Variants in CRYBG1 observed in about 807,000 individuals in gnomAD.
CRYBG1 encodes beta/gamma crystallin domain-containing protein 1.
CRYBG1 carries 139 observed loss-of-function variants against 189.2 expected under a neutral mutation model. The ratio of observed to expected loss-of-function variants is 0.73; its 90% CI spans 0.64 to 0.85. The LOEUF is 0.85. CRYBG1 is among the 40% of genes least tolerant of loss of function. CRYBG1 has a pLI of 0.00. For missense variants in CRYBG1, 2,611 were observed against 2,675.8 expected (o/e 0.98, Z 0.53); for synonymous variants, 1,023 against 1,017.1 (o/e 1.01, Z -0.11).
intron 1 of CRYBG1, among the ~76,000 whole-genome samples, chr6:106,445,097 T>G (rs1184320606): frequency 6.6e-6 from 1 of 152,230 alleles, no homozygotes; most frequent in African/African-American, 2.4e-5. Context: ...GATATTCTTG[T>G]GCAACCACTA....
At chr6:106,411,244 C>T (rs543636557) in intron 1 of CRYBG1, among the ~76,000 whole-genome samples, 1 of 152,204 alleles carries the variant, frequency 6.6e-6, no homozygotes, top group South Asian at 2.1e-4. Flanking sequence ...AATTGGCTTT[C>T]GGGGCCATAA....
At chr6:106,566,464 C>T (rs995381897) in intron 21 of CRYBG1, among the ~76,000 whole-genome samples, 55 of 71,646 alleles carry the variant, frequency 7.7e-4, no homozygotes, top group African/African-American at 1.3e-3. Context: ...CAACAACAGT[C>T]TTTTTTTTTT....
chr6:106,386,877 T>C (rs1770401918), intron 1 of CRYBG1, among the ~76,000 whole-genome samples: 1 of 152,156 alleles, frequency 6.6e-6, no homozygotes, highest in African/African-American at 2.4e-5. Flanking sequence ...GCCCCAGGAT[T>C]TGGGACCCCT....
rs185458245 is a variant in CRYBG1 at position 106,375,092 on chromosome 6, G to A, written c.173+14011G>A. ...GACCTCTGTATATACCTTGTTTAAA[G>A]AGCACTGTGGCCAGGCGTGGTGGCT... On this transcript the variant is annotated intron_variant, in intron 1 of 21. Coordinates refer to ENST00000633556, the MANE Select transcript of CRYBG1 (RefSeq NM_001371242.2). Among the ~76,000 whole-genome samples, 4 of 152,232 alleles carry A rather than the reference G, an allele frequency of 2.6e-5. No individual in the cohort carries two copies. The East Asian group carries it at 7.7e-4, about 29-fold the overall frequency.
rs774273556 is a variant in CRYBG1 at position 106,512,996 on chromosome 6, C to T, written c.1879C>T (p.His627Tyr). ...SDADGLKPRN[H>Y]FGVGRSTVTT... ...CGCCGACGGCTTGAAGCCCAGGAAC[C>T]ATTTCGGCGTGGGCAGGTCGACAGT... Residue 627 changes from histidine to tyrosine, a missense_variant, in exon 3 of 22, where the codon CAT becomes TAT. His to Tyr is a moderately conservative substitution (Grantham distance 83, BLOSUM62 2). Transcript: ENST00000633556. 2 of 1,609,574 alleles carry T rather than the reference C, an allele frequency of 1.2e-6. No homozygotes were observed. The highest frequency in any genetic ancestry group is 1.7e-6 in the Non-Finnish European group (2 of 1,179,800).
intron 13 of CRYBG1, among the ~76,000 whole-genome samples, chr6:106,546,613 G>C (rs1237473994): frequency 6.6e-6 from 1 of 152,208 alleles, no homozygotes; most frequent in African/African-American, 2.4e-5. Context: ...GAGTATCAGT[G>C]ATTTCCGGGT....
intron 1 of CRYBG1, among the ~76,000 whole-genome samples, chr6:106,408,956 C>G (rs1770875145): frequency 6.6e-6 from 1 of 152,180 alleles, no homozygotes. Flanking sequence ...CCTTTGAAAA[C>G]TGGCACAAGA....
intron 21 of CRYBG1, among the ~76,000 whole-genome samples, chr6:106,567,646 G>C (rs1682544991): frequency 6.6e-6 from 1 of 151,706 alleles, no homozygotes; most frequent in African/African-American, 2.4e-5. Context: ...GCTAAAAAAA[G>C]GATAAGCCAT....
chr6:106,517,401 TACAC>T lies in CRYBG1; in HGVS notation c.1923-1722_1923-1719del, dbSNP rs199917847. Among the ~76,000 whole-genome samples the T allele has an allele frequency of 5.6e-4, 32 of 57,486 alleles. 1 individual carries two copies. The East Asian group carries it at 9.8e-3, about 18-fold the overall frequency. The allele number at this position is 57,486 out of a possible 152,430, so 37.7% of individuals were successfully genotyped here. A position where few individuals can be genotyped will look rare whatever the true frequency, so the allele number is the denominator to read the frequency against. Reference sequence around the variant, plus strand: ...ACACATATACACACATATATATATATACACACACACATATATACACATATATATA... The same window carrying T: ...ACACATATACACACATATATATATATACACACATATATACACATATATATA... On this transcript the variant is annotated intron_variant, in intron 3 of 21. Coordinates refer to ENST00000633556, the MANE Select transcript of CRYBG1 (RefSeq NM_001371242.2).
At chr6:106,487,464 T>C (rs902783324) in intron 2 of CRYBG1, among the ~76,000 whole-genome samples, 2 of 152,226 alleles carry the variant, frequency 1.3e-5, no homozygotes, top group African/African-American at 4.8e-5. Flanking sequence ...GTAAGCCTGG[T>C]CTACTGGTGA....
At chr6:106,477,012 C>T (rs2114474733) in intron 2 of CRYBG1, among the ~76,000 whole-genome samples, 2 of 152,198 alleles carry the variant, frequency 1.3e-5, no homozygotes, top group East Asian at 3.9e-4. Context: ...TACCACCTAC[C>T]ATAAGTATTT....
chr6:106,544,536 G>A (rs1373311305), intron 11 of CRYBG1, 35 bp from the exon 12 acceptor site: 6 of 1,603,546 alleles, frequency 3.7e-6, no homozygotes, highest in Non-Finnish European at 5.1e-6. Context: ...TAACATGTCT[G>A]GAAATGACTA....
chr6:106,517,947 C>G lies in CRYBG1; in HGVS notation c.1923-1184C>G, dbSNP rs150187749. On this transcript the variant is annotated intron_variant, in intron 3 of 21. Transcript: ENST00000633556. ...AAATGTGACGGAGAGAGGGGAGACT[C>G]TCTTGCCCAAGAAGTGGTGACAAAA... 2.9e-3 allele frequency among the ~76,000 whole-genome samples: 436 copies of G among 152,264 alleles called. 1 individual carries two copies. The highest frequency in any genetic ancestry group is 0.01 in the African/African-American group (423 of 41,536).
chr6:106,492,488 G>A, intron 2 of CRYBG1, among the ~76,000 whole-genome samples: 1 of 151,916 alleles, frequency 6.6e-6, no homozygotes, highest in Non-Finnish European at 1.5e-5. Context: ...AAGAAAGGAA[G>A]GAAGTGGGAG....
At chr6:106,557,435 C>T (rs1774575819) in intron 17 of CRYBG1, among the ~76,000 whole-genome samples, 2 of 149,394 alleles carry the variant, frequency 1.3e-5, no homozygotes. Flanking sequence ...AATGGAGTCT[C>T]ACTCAGTTGC....
intron 2 of CRYBG1, among the ~76,000 whole-genome samples, chr6:106,493,929 C>T (rs150365364): frequency 3.3e-5 from 5 of 152,088 alleles, no homozygotes; most frequent in African/African-American, 7.2e-5. Context: ...CAAACCTGCA[C>T]ATCCTGCACA....
Position 106,551,857 on chromosome 6 carries a change from T to G in CRYBG1, c.5318T>G (p.Val1773Gly). Reference sequence around the variant, plus strand: ...TGATTGCTTTTGTTTCTTAGATGGGTAGCCTATGAAAATCCTGACTTCACA... The same window carrying G: ...TGATTGCTTTTGTTTCTTAGATGGGGAGCCTATGAAAATCCTGACTTCACA... The part of the protein sequence containing the change: ...QSINVLSGVW[V>G]AYENPDFTGE... The change falls in exon 14 of 22, where the codon GTA becomes GGA. Residue 1773 changes from valine (V) to glycine (G), a missense_variant. Transcript: ENST00000633556. The G allele has an allele frequency of 1.2e-6, 2 of 1,611,788 alleles. No individual in the cohort carries two copies. The highest frequency in any genetic ancestry group is 1.7e-6 in the Non-Finnish European group (2 of 1,178,594).
In CRYBG1 at chr6:106,400,843, GAC is replaced by G. The variant is rs1258229180; in HGVS notation, c.173+39766_173+39767del. On this transcript the variant is annotated intron_variant, in intron 1 of 21. Transcript: ENST00000633556. ...AAGGAAAGTCAGAGGTTTCACAAAA[GAC>G]ACATGTGAACTAAGTCGCAAAGTAG... Among the ~76,000 whole-genome samples, 5 of 152,290 alleles carry G rather than the reference GAC, an allele frequency of 3.3e-5. No individual in the cohort carries two copies. In the East Asian group the frequency reaches 9.6e-4, roughly 29 times the overall value.
chr6:106,450,959 G>A (rs75524881), intron 1 of CRYBG1, among the ~76,000 whole-genome samples: 4,719 of 152,280 alleles, frequency 0.031, 280 homozygotes, highest in African/African-American at 0.11. Flanking sequence ...GCCTAAATCA[G>A]TTACTGGTGA....
Sources: gnomAD v4.1 joint callset for allele counts (sites outside exome capture counted in the v4.1 genomes callset) on GRCh38, gnomAD v4.1.1 for gene constraint, MANE v1.5 for transcripts, NCBI Gene and HGNC (gene_info 2026-07-23, HGNC 2026-07-21) for gene names.